SLC30A7: variants seen among roughly 807,000 people sequenced by gnomAD.
The protein encoded by SLC30A7 is solute carrier family 30 member 7, also known as zinc transporter 7.
A neutral mutation model predicts 46.0 loss-of-function variants in SLC30A7; 35 were observed. That is an observed-to-expected ratio of 0.76 (90% CI 0.58 to 1.01). The LOEUF (loss-of-function observed/expected upper bound fraction) is 1.01, where lower values mean the gene tolerates loss of function less well. SLC30A7 is among the 50% of genes least tolerant of loss of function. The pLI, the probability that SLC30A7 is intolerant of heterozygous loss-of-function variation, is 0.00. For missense variants in SLC30A7, 464 were observed against 451.1 expected (o/e 1.03, Z -0.26); for synonymous variants, 147 against 157.8 (o/e 0.93, Z 0.51).
rs140753374 is a variant in SLC30A7, at chr1:100,921,784, G to A, written c.785G>A (p.Gly262Asp). The A allele has an allele frequency of 6.3e-5, 102 of 1,613,038 alleles. No individual in the cohort carries two copies. The African/African-American group carries it at 1.2e-3, about 20-fold the overall frequency. ...TCTGCCATCATGATGCAAAATTTTGGTCTGATGATAGCAGATCCTATCTGT... is the reference window on the plus strand; with the variant it reads ...TCTGCCATCATGATGCAAAATTTTGATCTGATGATAGCAGATCCTATCTGT... ...IASAIMMQNF[G>D]LMIADPICSI... The change falls in exon 8 of 11, where the codon GGT becomes GAT. Residue 262 changes from glycine (G) to aspartate (D), a missense_variant. Physicochemically the swap from Gly to Asp is moderately conservative, Grantham distance 94 (BLOSUM62 -1). Transcript: ENST00000357650.
the SLC30A7 span, chr1:100,995,778 TC>T: frequency 1.3e-5 from 2 of 152,220 alleles, no homozygotes; most frequent in Non-Finnish European, 2.9e-5. Flanking sequence ...TTTTAATCAC[TC>T]ATGCTCAACT....
chr1:100,983,249 A>G (rs1478183807), downstream of SLC30A7, among the ~76,000 whole-genome samples: 1 of 152,190 alleles, frequency 6.6e-6, no homozygotes, highest in Non-Finnish European at 1.5e-5. Flanking sequence ...AAACAGGTTC[A>G]ATAGATATAG....
Position 100,946,988 on chromosome 1 carries a change from T to C in SLC30A7, c.843-14840T>C, listed in dbSNP as rs574878483. 9.2e-5 allele frequency among the ~76,000 whole-genome samples: 14 copies of C among 152,330 alleles called. No individual in the cohort carries two copies. The East Asian group carries it at 2.7e-3, about 29-fold the overall frequency. On this transcript the variant is annotated intron_variant, in intron 8 of 10. Coordinates refer to ENST00000357650, the MANE Select transcript of SLC30A7 (RefSeq NM_133496.5). ...AGCTTGTTACTGGTCTATTCAGAGA[T>C]TCAACTTCTTCCTCGTTTAGTCTTG...
chr1:100,932,021 T>C (rs1487756236), intron 8 of SLC30A7, among the ~76,000 whole-genome samples: 1 of 152,212 alleles, frequency 6.6e-6, no homozygotes, highest in African/African-American at 2.4e-5. Context: ...GTTTCATCAT[T>C]GACTTTATTG....
chr1:100,933,016 G>A lies in SLC30A7; in HGVS notation c.842+11175G>A, dbSNP rs543458451. ...TTTTGAGACGGAGTCTCGCTCTGTC[G>A]CCAGGCTAGAGTGCTGTGGCGCAAT... On this transcript the variant is annotated intron_variant, in intron 8 of 10. Coordinates refer to ENST00000357650, the MANE Select transcript of SLC30A7 (RefSeq NM_133496.5). 9.1e-4 allele frequency among the ~76,000 whole-genome samples: 130 copies of A among 142,154 alleles called. 2 individuals carry two copies. Among genetic ancestry groups the A allele is most frequent in the African/African-American group, 3.3e-3 (126 of 37,968 alleles). 93.3% of individuals were successfully genotyped at this position (142,154 alleles called of 152,430 possible).
chr1:100,974,561 T>C (rs1656347629), intron 10 of SLC30A7, among the ~76,000 whole-genome samples: 1 of 152,194 alleles, frequency 6.6e-6, no homozygotes, highest in African/African-American at 2.4e-5. Flanking sequence ...AACTGCATTT[T>C]TCTAAGTATC....
rs374194098 is a variant in SLC30A7 at position 100,906,841 on chromosome 1, T to G, written c.183-11T>G. 1.3e-6 allele frequency: 2 copies of G among 1,589,526 alleles called. No homozygotes were observed. The highest frequency in any genetic ancestry group is 1.7e-6 in the Non-Finnish European group (2 of 1,158,306). On this transcript the variant is annotated splice_polypyrimidine_tract_variant and intron_variant, in intron 2 of 10. Transcript: ENST00000357650. ...TTATTATAATTTGTCAATGTGTTTG[T>G]TCTTTTCCAGCTTAGGCTTGATTTC...
intron 3 of SLC30A7, 113 bp from the exon 4 acceptor site, chr1:100,910,950 T>C: frequency 1.3e-6 from 1 of 759,194 alleles, no homozygotes; most frequent in Non-Finnish European, 2.2e-6. Flanking sequence ...AGGGCTTCGC[T>C]GGCCACTTAT....
intron 8 of SLC30A7, chr1:100,941,967 G>A (rs556071879): frequency 6.8e-5 from 18 of 265,054 alleles, no homozygotes; most frequent in South Asian, 4.3e-4. Flanking sequence ...ACAGCCATTC[G>A]GGCTCTTTAG....
At position 100,981,073 on chromosome 1, in the gene SLC30A7, ATC is replaced by A. The variant is rs1656903726; in HGVS notation, c.*6218_*6219del. On this transcript the variant is annotated 3_prime_UTR_variant, in exon 11 of 11. Transcript: ENST00000357650. ...CCCTCTATTTCTTCACTGATTTTTC[ATC>A]TGTTTTCATTGTTATTTCCACTATA... The A allele has an allele frequency of 6.6e-6, 1 of 152,004 alleles. No homozygotes were observed. Among genetic ancestry groups the A allele is most frequent in the Non-Finnish European group, 1.5e-5 (1 of 67,932 alleles). 9.4% of individuals were successfully genotyped at this position (152,004 alleles called of 1,614,324 possible).
intron 8 of SLC30A7, among the ~76,000 whole-genome samples, chr1:100,957,811 G>T (rs1438331456): frequency 1.3e-5 from 2 of 152,218 alleles, no homozygotes; most frequent in African/African-American, 2.4e-5. Flanking sequence ...GTTAGGAAAA[G>T]ATAAAAATTT....
chr1:100,898,581 G>C (rs991732139), intron 2 of SLC30A7, among the ~76,000 whole-genome samples: 1 of 152,104 alleles, frequency 6.6e-6, no homozygotes, highest in African/African-American at 2.4e-5. Context: ...TTAATCTCCA[G>C]ATCTACAACC....
At chr1:100,947,660 A>G (rs1185427277) in intron 8 of SLC30A7, among the ~76,000 whole-genome samples, 1 of 152,142 alleles carries the variant, frequency 6.6e-6, no homozygotes, top group Non-Finnish European at 1.5e-5. Flanking sequence ...AAAGTCTCCC[A>G]TTATTATTGT....
intron 8 of SLC30A7, among the ~76,000 whole-genome samples, chr1:100,924,877 T>G (rs956765827): frequency 2.0e-5 from 3 of 152,134 alleles, no homozygotes; most frequent in Non-Finnish European, 2.9e-5. Context: ...ATAACACACA[T>G]GAAGAAAACT....
chr1:100,951,444 A>G (rs1222877323), intron 8 of SLC30A7, among the ~76,000 whole-genome samples: 1 of 152,196 alleles, frequency 6.6e-6, no homozygotes, highest in African/African-American at 2.4e-5. Flanking sequence ...AAATTATACT[A>G]ACATGTTGCT....
intron 8 of SLC30A7, among the ~76,000 whole-genome samples, chr1:100,944,667 C>G (rs531974203): frequency 1.5e-4 from 19 of 123,466 alleles, no homozygotes; most frequent in African/African-American, 5.4e-4. Context: ...CCCCCTACTC[C>G]CCGGTGTATA....
At chr1:100,965,952 T>G (rs772204050) in intron 10 of SLC30A7, 34 bp downstream of exon 10, 25 of 1,550,362 alleles carry the variant, frequency 1.6e-5, no homozygotes, top group Non-Finnish European at 2.2e-5. Flanking sequence ...TTTAAGGGCC[T>G]TAACATTTTT....
chr1:100,973,450 A>G (rs538146161), intron 10 of SLC30A7, among the ~76,000 whole-genome samples: 1 of 152,210 alleles, frequency 6.6e-6, no homozygotes, highest in African/African-American at 2.4e-5. Flanking sequence ...AGTTAATTCA[A>G]CAAATACTTA....
At chr1:100,991,569 C>G in the SLC30A7 span, among the ~76,000 whole-genome samples, 1 of 152,090 alleles carries the variant, frequency 6.6e-6, no homozygotes, top group Non-Finnish European at 1.5e-5. Context: ...AGGCGGATCG[C>G]TTGAGCTCAG....
Sources: gnomAD v4.1 joint callset for allele counts (sites outside exome capture counted in the v4.1 genomes callset) on GRCh38, gnomAD v4.1.1 for gene constraint, MANE v1.5 for transcripts, NCBI Gene and HGNC (gene_info 2026-07-23, HGNC 2026-07-21) for gene names.